SBF2: variants seen among roughly 807,000 people sequenced by gnomAD.
The protein encoded by SBF2 is myotubularin-related protein 13.
SBF2 carries 112 observed loss-of-function variants against 225.2 expected under a neutral mutation model. The observed-to-expected ratio is 0.50, with a 90% CI of 0.43 to 0.58. SBF2 has a LOEUF of 0.58. SBF2 is among the 20% of genes least tolerant of loss of function. SBF2 has a pLI of 0.00. For missense variants in SBF2, 1,996 were observed against 2,206.2 expected, an observed-to-expected ratio of 0.90 and a Z score of 1.91; for synonymous variants, 763 against 773.3, an observed-to-expected ratio of 0.99 and a Z score of 0.22.
chr11:9,877,095 A>G (rs1338038887), intron 17 of SBF2, among the ~76,000 whole-genome samples: 1 of 152,186 alleles, frequency 6.6e-6, no homozygotes, highest in Non-Finnish European at 1.5e-5. Context: ...TATTACATTT[A>G]GGACAGTTTT....
chr11:10,229,822 A>G (rs1434236100), intron 1 of SBF2, among the ~76,000 whole-genome samples: 5 of 152,142 alleles, frequency 3.3e-5, no homozygotes, highest in East Asian at 3.8e-4. Flanking sequence ...GTAGATGTCT[A>G]TTAGGTCCGC....
chr11:10,056,671 T>A (rs1240042511), intron 2 of SBF2, among the ~76,000 whole-genome samples: 3 of 152,238 alleles, frequency 2.0e-5, no homozygotes, highest in African/African-American at 7.2e-5. Context: ...CTGCTTTACA[T>A]GAGTGGGTAA....
intron 2 of SBF2, among the ~76,000 whole-genome samples, chr11:10,112,703 G>C (rs902723811): frequency 1.3e-5 from 2 of 152,172 alleles, no homozygotes; most frequent in Non-Finnish European, 2.9e-5. Flanking sequence ...ATAAACAGAA[G>C]AGGTAAGAGC....
chr11:9,978,786 A>G (rs1946812544), intron 13 of SBF2, among the ~76,000 whole-genome samples: 1 of 152,158 alleles, frequency 6.6e-6, no homozygotes, highest in Non-Finnish European at 1.5e-5. Flanking sequence ...CCTTGAGCCC[A>G]GGAGTTCCAG....
chr11:9,800,064 A>G (rs1853394320), intron 32 of SBF2, among the ~76,000 whole-genome samples: 1 of 152,030 alleles, frequency 6.6e-6, no homozygotes, highest in Non-Finnish European at 1.5e-5. Flanking sequence ...ATGGTGAAAC[A>G]CCATTTCTGC....
At chr11:10,259,490 A>G (rs1338404757) in intron 1 of SBF2, among the ~76,000 whole-genome samples, 1 of 152,234 alleles carries the variant, frequency 6.6e-6, no homozygotes, top group Non-Finnish European at 1.5e-5. Flanking sequence ...AGAAAAAAGA[A>G]AAATCCTATT....
chr11:10,029,777 A>C lies in SBF2; in HGVS notation c.501T>G (p.Ala167=), dbSNP rs1194477221. The C allele has an allele frequency of 6.2e-7, 1 of 1,611,200 alleles. No homozygotes were observed. The highest frequency in any genetic ancestry group is 2.2e-5 in the East Asian group (1 of 44,870). Residue 167 remains alanine (A), a synonymous_variant, in exon 5 of 40, where the codon GCT becomes GCG. Transcript: ENST00000256190. ...CTATTCTATTTACCTGAGACCCTCC[A>C]GCCGCTGGGACAAGGCAGGCACAAA... ...ANLCACLVPA[A]GGSQKLFSLG...
At chr11:10,245,074 C>T (rs114400133) in intron 1 of SBF2, among the ~76,000 whole-genome samples, 1,418 of 139,830 alleles carry the variant, frequency 0.01, 27 homozygotes, top group African/African-American at 0.036. Context: ...GTCAAGGCCA[C>T]AGTGAGCCGA....
intron 16 of SBF2, among the ~76,000 whole-genome samples, chr11:9,950,762 C>T (rs1565048184): frequency 6.6e-6 from 1 of 152,058 alleles, no homozygotes; most frequent in Non-Finnish European, 1.5e-5. Context: ...AGATTATAGC[C>T]AAGAAAGGGG....
At chr11:9,852,798 T>C (rs748382783) in intron 20 of SBF2, 49 bp from the exon 21 acceptor site, 3 of 1,333,114 alleles carry the variant, frequency 2.3e-6, no homozygotes, top group Non-Finnish European at 2.2e-6. Flanking sequence ...ACAAGCAGGA[T>C]AAAAACAAAT....
At chr11:10,240,033 T>C (rs1959186653) in intron 1 of SBF2, among the ~76,000 whole-genome samples, 1 of 151,954 alleles carries the variant, frequency 6.6e-6, no homozygotes. Context: ...ATAAGGTGAG[T>C]CCCACAGCTG....
intron 2 of SBF2, among the ~76,000 whole-genome samples, chr11:10,177,582 C>A (rs944618238): frequency 3.4e-5 from 5 of 148,742 alleles, no homozygotes; most frequent in African/African-American, 1.2e-4. Context: ...TGAGTGAACT[C>A]CCATTCACAA....
chr11:10,149,205 ACT>A (rs969789506), intron 2 of SBF2: 1 of 152,244 alleles, frequency 6.6e-6, no homozygotes, highest in African/African-American at 2.4e-5. Flanking sequence ...ACTGGTGGCT[ACT>A]CTGACTTTTC....
chr11:10,220,653 C>G (rs1372811), intron 1 of SBF2, among the ~76,000 whole-genome samples: 89,644 of 151,910 alleles, frequency 0.59, 27,056 homozygotes, highest in East Asian at 0.97. Context: ...TTAAAATGCA[C>G]CAATGGCTTC....
intron 2 of SBF2, among the ~76,000 whole-genome samples, chr11:10,192,302 C>A (rs1244221402): frequency 6.6e-6 from 1 of 152,150 alleles, no homozygotes; most frequent in Non-Finnish European, 1.5e-5. Context: ...CCTCTGTAGG[C>A]CTACAGAACC....
chr11:9,948,720 CAT>C (rs1425089350), intron 16 of SBF2, among the ~76,000 whole-genome samples: 1 of 152,172 alleles, frequency 6.6e-6, no homozygotes, highest in African/African-American at 2.4e-5. Flanking sequence ...CTCATATACA[CAT>C]AGACGTATAC....
intron 6 of SBF2, among the ~76,000 whole-genome samples, chr11:10,005,502 T>C (rs1227409359): frequency 3.3e-5 from 5 of 152,142 alleles, no homozygotes; most frequent in Non-Finnish European, 7.4e-5. Flanking sequence ...CAAGTGTACT[T>C]TACTTCCTTT....
At chr11:10,051,214 G>A (rs1025108384) in intron 2 of SBF2, among the ~76,000 whole-genome samples, 1 of 151,998 alleles carries the variant, frequency 6.6e-6, no homozygotes, top group Non-Finnish European at 1.5e-5. Context: ...ATGTTTTAAT[G>A]TATAACATTT....
chr11:9,790,479 G>T, intron 34 of SBF2, 77 bp downstream of exon 34: 1 of 1,282,768 alleles, frequency 7.8e-7, no homozygotes, highest in Non-Finnish European at 1.1e-6. Flanking sequence ...AGCTTAAACT[G>T]CTTATATATG....
Sources: gnomAD v4.1 joint callset for allele counts (sites outside exome capture counted in the v4.1 genomes callset) on GRCh38, gnomAD v4.1.1 for gene constraint, MANE v1.5 for transcripts, NCBI Gene and HGNC (gene_info 2026-07-23, HGNC 2026-07-21) for gene names.